Variants in DUS1L observed in about 807,000 individuals in gnomAD.
DUS1L encodes the protein tRNA-dihydrouridine(16/17) synthase [NAD(P)(+)]-like.
Under a neutral mutation model 61.2 loss-of-function variants are expected in DUS1L, and 56 were observed. The observed-to-expected ratio is 0.92, with a 90% confidence interval of 0.74 to 1.14. The LOEUF is 1.14. Ranked by LOEUF, DUS1L falls within the 50% of genes most tolerant of loss-of-function variation. The pLI, the probability that DUS1L is intolerant of heterozygous loss-of-function variation, is 0.00. For synonymous variants in DUS1L, 278 were observed against 259.5 expected, an observed-to-expected ratio of 1.07 and a Z score of -0.69; for missense variants, 630 against 632.4, an observed-to-expected ratio of 1.00 and a Z score of 0.04.
chr17:82,060,316 A>G, intron 10 of DUS1L: 1 of 626,346 alleles, frequency 1.6e-6, no homozygotes, highest in East Asian at 2.8e-5. Context: ...CAAGCTCTGA[A>G]CCACCAGCTC....
chr17:82,064,379 A>C (rs2033663042), intron 2 of DUS1L, 145 bp from the exon 3 acceptor site: 9 of 669,940 alleles, frequency 1.3e-5, no homozygotes, highest in African/African-American at 9.1e-5. Flanking sequence ...GAGGCTTACA[A>C]TATGACAAAG....
At chr17:82,058,904 G>C in intron 11 of DUS1L, 86 bp from the exon 12 acceptor site, 1 of 1,273,596 alleles carries the variant, frequency 7.9e-7, no homozygotes. Flanking sequence ...CACGGAGCCT[G>C]CTGATGGCGT....
rs2033402357 is a variant in DUS1L at position 82,060,067 on chromosome 17, G to A, written c.1049C>T (p.Ala350Val). 2 of 1,613,182 alleles carry A rather than the reference G, an allele frequency of 1.2e-6. No individual in the cohort carries two copies. Among genetic ancestry groups the A allele is most frequent in the Non-Finnish European group, 1.7e-6 (2 of 1,179,878 alleles). The change falls in exon 11 of 14, where the codon GCA (alanine) becomes GTA (valine). Residue 350 changes from alanine to valine, a missense_variant. By Grantham distance (64) the Ala-to-Val change is moderately conservative. Coordinates refer to ENST00000306796, the MANE Select transcript of DUS1L (RefSeq NM_022156.5). ...PGPREGSKEK[A>V]GARSKRALEE... ...CAGGGCCCGCTTGCTGCGCGCACCTGCCTTCTCCTTGCTCCCCTCCCTGGG... is the reference window on the plus strand; with the variant it reads ...CAGGGCCCGCTTGCTGCGCGCACCTACCTTCTCCTTGCTCCCCTCCCTGGG...
chr17:82,065,273 G>A (rs2144755248), intron 1 of DUS1L: 1 of 550,274 alleles, frequency 1.8e-6, no homozygotes, highest in Admixed American at 3.5e-5. Flanking sequence ...GGGAGCCGCT[G>A]GACCCCTGGG....
Position 82,060,684 on chromosome 17 carries a change from G to C in DUS1L, c.1022+17C>G, listed in dbSNP as rs2033439837. 2.5e-6 allele frequency: 4 copies of C among 1,611,062 alleles called. No individual in the cohort carries two copies. Among genetic ancestry groups the C allele is most frequent in the Non-Finnish European group, 2.5e-6 (3 of 1,179,324 alleles). ...ACCTTGGTGCACATCCCCGCCCAGG[G>C]CTGGCTGGGCTCTCACCCCGGCCGG... On this transcript the variant is annotated intron_variant, in intron 10 of 13. Coordinates refer to ENST00000306796, the MANE Select transcript of DUS1L (RefSeq NM_022156.5).
chr17:82,064,100 G>T, intron 3 of DUS1L, 26 bp downstream of exon 3: 1 of 1,599,400 alleles, frequency 6.3e-7, no homozygotes, highest in Non-Finnish European at 8.5e-7. Flanking sequence ...TGCCCCAGGT[G>T]CCCCCATGCT....
intron 12 of DUS1L, 46 bp from the exon 13 acceptor site, chr17:82,058,462 G>C (rs749730139): frequency 6.8e-7 from 1 of 1,478,294 alleles, no homozygotes; most frequent in Non-Finnish European, 9.0e-7. Flanking sequence ...ACCACTCCCG[G>C]GGCCAGGCTG....
chr17:82,060,083 C>T lies in DUS1L; in HGVS notation c.1033G>A (p.Gly345Arg), dbSNP rs2033403913. The stretch of plus-strand genomic sequence containing the variant: ...CGCGCACCTGCCTTCTCCTTGCTCC[C>T]CTCCCTGGGCCTGAGGGGAGGGCAG... ...QPYIRPGPRE[G>R]SKEKAGARSK... The change falls in exon 11 of 14, where the codon GGG (glycine) becomes AGG (arginine). Residue 345 changes from glycine to arginine, a missense_variant. Gly to Arg is a moderately radical substitution (Grantham distance 125). Coordinates refer to ENST00000306796, the MANE Select transcript of DUS1L (RefSeq NM_022156.5). 1 of 1,612,816 alleles carries T rather than the reference C, an allele frequency of 6.2e-7. No individual in the cohort carries two copies. The highest frequency in any genetic ancestry group is 1.7e-5 in the Admixed American group (1 of 59,908).
At position 82,061,929 on chromosome 17, in the gene DUS1L, C is replaced by G; in HGVS notation, c.565G>C (p.Ala189Pro). 6.2e-7 allele frequency: 1 copy of G among 1,610,992 alleles called. No homozygotes were observed. The highest frequency in any genetic ancestry group is 8.5e-7 in the Non-Finnish European group (1 of 1,178,870). The change falls in exon 6 of 14, where the codon GCG becomes CCG. Residue 189 changes from alanine (A) to proline (P), a missense_variant. By Grantham distance (27) the Ala-to-Pro change is conservative (BLOSUM62 -1). Transcript: ENST00000306796. The stretch of plus-strand genomic sequence containing the variant: ...ACAGCCTTGATATGCTCCCAGGACG[C>G]TGCACCCGACAGGGGCCCCTTCTGC... ...KEQKGPLSGAASWEHIKAVRK... is the reference protein window; with the variant it reads ...KEQKGPLSGAPSWEHIKAVRK...
At position 82,057,981 on chromosome 17, in the gene DUS1L, A is replaced by C. The variant is rs747722573; in HGVS notation, c.*134T>G. On this transcript the variant is annotated 3_prime_UTR_variant, in exon 14 of 14. Transcript: ENST00000306796. ...CCCACTGCAGCATTTCCAGGCCCCC[A>C]GAGTGGGCCGAAGGGGGACATGGGC... The C allele has an allele frequency of 7.6e-6, 9 of 1,187,220 alleles. No homozygotes were observed. In the African/African-American group the frequency reaches 7.8e-5, roughly 10 times the overall value. 73.5% of individuals were successfully genotyped at this position (1,187,220 alleles called of 1,614,324 possible). A position where few individuals can be genotyped will look rare whatever the true frequency, so the allele number is the denominator to read the frequency against.
Position 82,062,935 on chromosome 17 carries a change from A to T in DUS1L, c.436T>A (p.Cys146Ser). 6.2e-7 allele frequency: 1 copy of T among 1,613,084 alleles called. No individual in the cohort carries two copies. Among genetic ancestry groups the T allele is most frequent in the Non-Finnish European group, 8.5e-7 (1 of 1,179,934 alleles). The change falls in exon 5 of 14, where the codon TGC becomes AGC. Residue 146 changes from cysteine (C) to serine (S), a missense_variant. Coordinates refer to ENST00000306796, the MANE Select transcript of DUS1L (RefSeq NM_022156.5). ...AHEKLSVPVT[C>S]KIRVFPEIDK... Reference sequence around the variant, plus strand: ...ATCTCCGGGAAGACACGGATTTTGCACGTGACAGGAACAGAGAGTTTCTCG... The same window carrying T: ...ATCTCCGGGAAGACACGGATTTTGCTCGTGACAGGAACAGAGAGTTTCTCG...
Position 82,063,498 on chromosome 17 carries a change from G to C in DUS1L, c.367C>G (p.Gln123Glu), listed in dbSNP as rs779964065. ...AKRGHYGAFL[Q>E]DEWDLLQRMI... ...CTTTGGAGCAGGTCCCACTCGTCCT[G>C]CAGAAAGGCGCCATAGTGACCTGCA... Residue 123 changes from glutamine to glutamate, a missense_variant, in exon 4 of 14, where the codon CAG becomes GAG. Coordinates refer to ENST00000306796, the MANE Select transcript of DUS1L (RefSeq NM_022156.5). 6 of 1,613,686 alleles carry C rather than the reference G, an allele frequency of 3.7e-6. No individual in the cohort carries two copies. The South Asian group carries it at 6.6e-5, about 18-fold the overall frequency.
At chr17:82,058,458 C>A in intron 12 of DUS1L, 42 bp from the exon 13 acceptor site, 1 of 1,478,164 alleles carries the variant, frequency 6.8e-7, no homozygotes, top group Non-Finnish European at 9.0e-7. Flanking sequence ...CAGCACCACT[C>A]CCGGGGCCAG....
At chr17:82,061,838 G>A (rs553998898) in intron 6 of DUS1L, 63 bp downstream of exon 6, 3 of 1,587,852 alleles carry the variant, frequency 1.9e-6, no homozygotes, top group East Asian at 4.5e-5. Context: ...ACCCTGAGGT[G>A]TGGAGCTGGG....
chr17:82,058,586 G>C, intron 12 of DUS1L, 170 bp from the exon 13 acceptor site: 6 of 1,456,570 alleles, frequency 4.1e-6, no homozygotes, highest in Non-Finnish European at 5.4e-6. Context: ...CACCCACCCA[G>C]ACTCTCTTCC....
rs376659580 is a variant in DUS1L at position 82,058,370 on chromosome 17, C to G, written c.1253G>C (p.Arg418Pro). The G allele has an allele frequency of 1.3e-6, 2 of 1,488,888 alleles. No individual in the cohort carries two copies. Among genetic ancestry groups the G allele is most frequent in the Non-Finnish European group, 1.8e-6 (2 of 1,116,616 alleles). 92.2% of individuals were successfully genotyped at this position (1,488,888 alleles called of 1,614,324 possible). Reference sequence around the variant, plus strand: ...GCAGTCTGCAGTCTCTTTGGAGGCTCGCTTCTTGCAGCAGCCGCGGCACAG... The same window carrying G: ...GCAGTCTGCAGTCTCTTTGGAGGCTGGCTTCTTGCAGCAGCCGCGGCACAG... ...FSLCRGCCKKRASKETADCPG... is the reference protein window; with the variant it reads ...FSLCRGCCKKPASKETADCPG... Residue 418 changes from arginine to proline, a missense_variant, in exon 13 of 14, where the codon CGA becomes CCA. Coordinates refer to ENST00000306796, the MANE Select transcript of DUS1L (RefSeq NM_022156.5).
chr17:82,063,438 G>A (rs1217151714), intron 4 of DUS1L, 30 bp downstream of exon 4: 3 of 1,613,622 alleles, frequency 1.9e-6, no homozygotes, highest in South Asian at 1.1e-5. Flanking sequence ...GGTCTCTGGG[G>A]GTCCTTCACC....
At position 82,064,157 on chromosome 17, in the gene DUS1L, G is replaced by A. The variant is rs1313443543; in HGVS notation, c.315C>T (p.Asn105=). ...TGGCTATCATCTGTGGGCAGCCCAA[G>A]TTCAGGTCAATGGCGTCACAGTAAT... is the stretch of plus-strand genomic sequence containing the variant. ...AQDYCDAIDL[N]LGCPQMIAKR... The change falls in exon 3 of 14, where the codon AAC becomes AAT. Residue 105 remains asparagine (N), a synonymous_variant. Transcript: ENST00000306796. 4.3e-6 allele frequency: 7 copies of A among 1,612,742 alleles called. No homozygotes were observed. Among genetic ancestry groups the A allele is most frequent in the South Asian group, 1.1e-5 (1 of 91,040 alleles).
In DUS1L at chr17:82,058,417, C is replaced by T. The variant is rs202067934; in HGVS notation, c.1207-1G>A. ...ACAGGCTGAACACACATCTGTTGCC[C>T]TGGGCACAGGAAATCTCGGGAGCCT... On this transcript the variant is annotated splice_acceptor_variant, in intron 12 of 13. Transcript: ENST00000306796. LOFTEE classifies it high-confidence loss of function. 2.6e-5 allele frequency: 39 copies of T among 1,486,540 alleles called. 1 individual carries two copies. In the Admixed American group the frequency reaches 7.7e-4, roughly 29 times the overall value. The allele number at this position is 1,486,540 out of a possible 1,614,324, so 92.1% of individuals were successfully genotyped here. A position where few individuals can be genotyped will look rare whatever the true frequency, so the allele number is the denominator to read the frequency against.
Sources: allele counts gnomAD v4.1 joint callset, GRCh38; gene constraint gnomAD v4.1.1; transcripts MANE v1.5; gene names NCBI Gene and HGNC (gene_info 2026-07-23, HGNC 2026-07-21).